The following BFSP2 variants were observed in gnomAD, a reference collection of about 807,000 sequenced individuals.
BFSP2 encodes phakinin.
In BFSP2, 38 loss-of-function variants were observed where a neutral mutation model predicts 44.9. That is an observed-to-expected ratio of 0.85 (90% CI 0.65 to 1.11). The LOEUF (loss-of-function observed/expected upper bound fraction) is 1.11, where lower values mean the gene tolerates loss of function less well. Ranked by LOEUF, BFSP2 falls within the 50% of genes least tolerant of loss-of-function variation. The pLI is 0.00. For missense variants in BFSP2, 525 were observed against 533.0 expected (o/e 0.99, Z 0.15); for synonymous variants, 197 against 209.9 (o/e 0.94, Z 0.53).
chr3:133,424,094 C>T (rs1043005565), intron 1 of BFSP2, among the ~76,000 whole-genome samples: 1 of 151,910 alleles, frequency 6.6e-6, no homozygotes, highest in Admixed American at 6.6e-5. Context: ...CTCTGTCACC[C>T]AGGCTGGAGT....
intron 1 of BFSP2, chr3:133,410,231 T>A (rs752243182): frequency 1.2e-4 from 34 of 293,172 alleles, no homozygotes; most frequent in Admixed American, 1.3e-4. Context: ...TGGACCCCAG[T>A]AGGACCTCTG....
At chr3:133,401,154 G>T (rs1268941025) in intron 1 of BFSP2, among the ~76,000 whole-genome samples, 1 of 152,174 alleles carries the variant, frequency 6.6e-6, no homozygotes, top group Non-Finnish European at 1.5e-5. Flanking sequence ...AGTAAAACAC[G>T]TAAAAAGAAG....
At chr3:133,424,226 T>TGTGTG (rs1313449511) in intron 1 of BFSP2, among the ~76,000 whole-genome samples, 40 of 129,016 alleles carry the variant, frequency 3.1e-4, no homozygotes, top group Middle Eastern at 7.6e-3. Flanking sequence ...TTTTTTTTTT[T>TGTGTG]TTTTTTTTTT....
rs552550637 is a variant in BFSP2, at chr3:133,406,247, C to T, written c.489+5675C>T. Among the ~76,000 whole-genome samples the T allele has an allele frequency of 1.2e-4, 18 of 152,302 alleles. No individual in the cohort carries two copies. The East Asian group carries it at 3.5e-3, about 29-fold the overall frequency. On this transcript the variant is annotated intron_variant, in intron 1 of 6. Coordinates refer to ENST00000302334, the MANE Select transcript of BFSP2 (RefSeq NM_003571.4). ...GTATTGGGATCACAGGCGTGAGCCA[C>T]CGTGCCCAGCCAGTCACTAAGCTGC... is the stretch of plus-strand genomic sequence containing the variant.
intron 4 of BFSP2, among the ~76,000 whole-genome samples, chr3:133,458,869 C>A (rs555099431): frequency 3.3e-4 from 51 of 152,268 alleles, no homozygotes; most frequent in African/African-American, 1.2e-3. Flanking sequence ...ACCAAGGAAT[C>A]TCCACTCACT....
At chr3:133,437,778 AGG>A (rs2073804797) in intron 1 of BFSP2, among the ~76,000 whole-genome samples, 1 of 152,166 alleles carries the variant, frequency 6.6e-6, no homozygotes, top group East Asian at 1.9e-4. Flanking sequence ...TGCCCTGGAG[AGG>A]GAGCACCGTG....
chr3:133,424,207 A>T, intron 1 of BFSP2, among the ~76,000 whole-genome samples: 1 of 113,040 alleles, frequency 8.8e-6, no homozygotes, highest in Non-Finnish European at 1.8e-5. Flanking sequence ...CACCGCGTCC[A>T]GCTAATTTTT....
chr3:133,463,030 C>T (rs892157440), intron 4 of BFSP2, among the ~76,000 whole-genome samples: 1 of 152,046 alleles, frequency 6.6e-6, no homozygotes, highest in Non-Finnish European at 1.5e-5. Flanking sequence ...GAGCAGAGAC[C>T]GGGTGCGGTG....
intron 1 of BFSP2, among the ~76,000 whole-genome samples, chr3:133,435,844 C>T (rs536908181): frequency 6.6e-6 from 1 of 152,272 alleles, no homozygotes; most frequent in South Asian, 2.1e-4. Flanking sequence ...AGGGCATTGT[C>T]CCCATAAACT....
In BFSP2 at chr3:133,400,724, AC is replaced by A; in HGVS notation, c.489+154del. ...AAATGGTAATGATAACAACAATGCT[AC>A]CTTTTACCGAGGTTTACTAGGAGCC... On this transcript the variant is annotated intron_variant, in intron 1 of 6. Transcript: ENST00000302334. This position sits in a 1 kb window ranked among gnomAD's most constrained non-coding sequence, Gnocchi z 4.0. 1 of 1,312,600 alleles carries A rather than the reference AC, an allele frequency of 7.6e-7. No homozygotes were observed. The highest frequency in any genetic ancestry group is 1.0e-6 in the Non-Finnish European group (1 of 965,070). The allele number at this position is 1,312,600 out of a possible 1,614,324, so 81.3% of individuals were successfully genotyped here. A position where few individuals can be genotyped will look rare whatever the true frequency, so the allele number is the denominator to read the frequency against.
chr3:133,422,057 A>G (rs1576567231), intron 1 of BFSP2, among the ~76,000 whole-genome samples: 1 of 146,936 alleles, frequency 6.8e-6, no homozygotes, highest in Non-Finnish European at 1.5e-5. Context: ...CAGTGAGCCA[A>G]GATAGCGCCA....
chr3:133,448,962 GT>G (rs11454142), intron 3 of BFSP2: 21 of 319,866 alleles, frequency 6.6e-5, no homozygotes, highest in South Asian at 4.6e-4. Context: ...TCTATGTCAG[GT>G]TTTTTTTTCA....
chr3:133,457,551 T>G (rs960047804), intron 4 of BFSP2, among the ~76,000 whole-genome samples: 1 of 152,192 alleles, frequency 6.6e-6, no homozygotes, highest in African/African-American at 2.4e-5. Context: ...CAAAGAAATA[T>G]ATATATTTTT....
chr3:133,424,478 C>T (rs2073625695), intron 1 of BFSP2, among the ~76,000 whole-genome samples: 1 of 145,032 alleles, frequency 6.9e-6, no homozygotes, highest in Non-Finnish European at 1.5e-5. Flanking sequence ...AGTCAAAGGT[C>T]CTGAGTTCCA....
In BFSP2 at chr3:133,446,168, C is replaced by T. The variant is rs988651242; in HGVS notation, c.490-1149C>T. On this transcript the variant is annotated intron_variant, in intron 1 of 6. Transcript: ENST00000302334. ...GGGTTTGGTGGCTTACACCTGTAAC[C>T]CCAGGACTCTGGGAGGCCAAGATGG... 2.0e-4 allele frequency among the ~76,000 whole-genome samples: 30 copies of T among 152,066 alleles called. 1 individual carries two copies.
intron 1 of BFSP2, among the ~76,000 whole-genome samples, chr3:133,428,958 T>C (rs1009455159): frequency 1.2e-4 from 18 of 152,252 alleles, no homozygotes; most frequent in African/African-American, 3.9e-4. Flanking sequence ...TTCTTAATTA[T>C]GAAATATTTT....
intron 1 of BFSP2, among the ~76,000 whole-genome samples, chr3:133,404,671 ATGAC>A (rs1246322347): frequency 1.3e-5 from 2 of 152,230 alleles, no homozygotes; most frequent in Non-Finnish European, 2.9e-5. Flanking sequence ...AAGTTGAAAC[ATGAC>A]AGAAGAAAGG....
chr3:133,461,548 ACT>A (rs1411840027), intron 4 of BFSP2, among the ~76,000 whole-genome samples: 2 of 152,138 alleles, frequency 1.3e-5, no homozygotes, highest in Admixed American at 6.6e-5. Flanking sequence ...TGACACACCT[ACT>A]CTCTGGTCTA....
intron 4 of BFSP2, among the ~76,000 whole-genome samples, chr3:133,458,628 G>A (rs994868733): frequency 2.0e-5 from 3 of 152,292 alleles, no homozygotes; most frequent in Admixed American, 1.3e-4. Flanking sequence ...CCAGGAGGTG[G>A]AGGATTGCAG....
Sources: gnomAD v4.1 joint callset for allele counts (sites outside exome capture counted in the v4.1 genomes callset) on GRCh38, gnomAD v4.1.1 for gene constraint, Gnocchi (gnomAD v3.1) non-coding constraint, MANE v1.5 for transcripts, NCBI Gene and HGNC (gene_info 2026-07-23, HGNC 2026-07-21) for gene names.